EPB41L2: variants seen among roughly 807,000 people sequenced by gnomAD.
The protein encoded by EPB41L2 is erythrocyte membrane protein band 4.1 like 2.
EPB41L2 carries 43 observed loss-of-function variants against 113.0 expected under a neutral mutation model. The ratio of observed to expected loss-of-function variants is 0.38; its 90% CI spans 0.30 to 0.49. EPB41L2 has a LOEUF of 0.49. EPB41L2 is among the 20% of genes least tolerant of loss of function. The pLI, the probability that EPB41L2 is intolerant of heterozygous loss-of-function variation, is 0.95. For missense variants in EPB41L2, 1,147 were observed against 1,223.4 expected (o/e 0.94, Z 0.93); for synonymous variants, 442 against 436.7 (o/e 1.01, Z -0.15).
chr6:131,007,995 C>G (rs541027987), intron 1 of EPB41L2, among the ~76,000 whole-genome samples: 1 of 152,186 alleles, frequency 6.6e-6, no homozygotes, highest in Non-Finnish European at 1.5e-5. Flanking sequence ...AACCAATTTT[C>G]TGGGGAGAAA....
At chr6:131,004,951 C>T (rs940842974) in intron 1 of EPB41L2, among the ~76,000 whole-genome samples, 7 of 152,144 alleles carry the variant, frequency 4.6e-5, no homozygotes, top group African/African-American at 1.4e-4. Context: ...TAAAGCTTTG[C>T]AACTTTCTAT....
chr6:130,972,316 T>G (rs1330214311), intron 1 of EPB41L2, among the ~76,000 whole-genome samples: 1 of 82,700 alleles, frequency 1.2e-5, no homozygotes, highest in Admixed American at 2.0e-4. Flanking sequence ...AGAATGAGAC[T>G]CCATCTCAAA....
rs779872725 is a variant in EPB41L2, at chr6:130,869,682, G to A, written c.2488C>T (p.His830Tyr). The change falls in exon 15 of 20, where the codon CAC (histidine) becomes TAC (tyrosine). Residue 830 changes from histidine to tyrosine, a missense_variant. Coordinates refer to ENST00000337057, the MANE Select transcript of EPB41L2 (RefSeq NM_001431.4). Reference sequence around the variant, plus strand: ...ATGTCTTGCTTAAGAGCGCCTTCGTGTACACTCTTCTCTCCGGGTATCTTT... The same window carrying A: ...ATGTCTTGCTTAAGAGCGCCTTCGTATACACTCTTCTCTCCGGGTATCTTT... ...AQKIPGEKSV[H>Y]EGALKQDMGE... is the part of the protein sequence containing the mutation. The A allele has an allele frequency of 8.1e-6, 13 of 1,613,986 alleles. No homozygotes were observed. The East Asian group carries it at 1.6e-4, about 19-fold the overall frequency.
chr6:130,878,226 T>G lies in EPB41L2; in HGVS notation c.1921A>C (p.Ile641Leu). ...LEELDKAQED[I>L]LKHQASISEL... is the part of the protein sequence containing the mutation. ...CTAATGCTAGCCTGATGTTTCAGTA[T>G]GTCCTCCTGGGCCTTATCCAGTTCC... Residue 641 changes from isoleucine to leucine, a missense_variant, in exon 14 of 20, where the codon ATA becomes CTA. By Grantham distance (5) the Ile-to-Leu change is conservative. Coordinates refer to ENST00000337057, the MANE Select transcript of EPB41L2 (RefSeq NM_001431.4). 2 of 1,613,014 alleles carry G rather than the reference T, an allele frequency of 1.2e-6. No individual in the cohort carries two copies. Among genetic ancestry groups the G allele is most frequent in the East Asian group, 2.2e-5 (1 of 44,814 alleles).
chr6:130,955,095 C>A lies in EPB41L2; in HGVS notation c.705+10G>T. On this transcript the variant is annotated intron_variant, in intron 3 of 19. Coordinates refer to ENST00000337057, the MANE Select transcript of EPB41L2 (RefSeq NM_001431.4). ...TATCAAGCTAGCTCTCACTCAGCTC[C>A]CTATCTCACCTCCAGGTCACAGCTG... 6.2e-7 allele frequency: 1 copy of A among 1,612,852 alleles called. No homozygotes were observed. Among genetic ancestry groups the A allele is most frequent in the Non-Finnish European group, 8.5e-7 (1 of 1,178,898 alleles).
intron 1 of EPB41L2, among the ~76,000 whole-genome samples, chr6:131,022,032 G>T (rs549778601): frequency 3.3e-5 from 5 of 152,100 alleles, no homozygotes; most frequent in Non-Finnish European, 7.4e-5. Flanking sequence ...AATATATAAT[G>T]AAATAATTAC....
chr6:130,965,334 G>A (rs991140686), intron 1 of EPB41L2, among the ~76,000 whole-genome samples: 11 of 152,094 alleles, frequency 7.2e-5, no homozygotes, highest in East Asian at 1.9e-4. Context: ...AAGCAGCCAC[G>A]ATTTTCTTGT....
Position 130,890,286 on chromosome 6 carries a change from G to A in EPB41L2, c.1660+8C>T. ...AATGAAAATCAAAATTATCATAAAT[G>A]TGTTTACCTCCATCTAGACTCCTGG... On this transcript the variant is annotated splice_region_variant and intron_variant, in intron 11 of 19. Coordinates refer to ENST00000337057, the MANE Select transcript of EPB41L2 (RefSeq NM_001431.4). 4 of 1,596,480 alleles carry A rather than the reference G, an allele frequency of 2.5e-6. No individual in the cohort carries two copies. The highest frequency in any genetic ancestry group is 3.4e-6 in the Non-Finnish European group (4 of 1,172,590).
intron 1 of EPB41L2, among the ~76,000 whole-genome samples, chr6:131,001,962 C>T (rs1198543739): frequency 6.6e-6 from 1 of 152,132 alleles, no homozygotes; most frequent in East Asian, 1.9e-4. Flanking sequence ...CCAAGCAAAA[C>T]AAAAACTAAT....
At chr6:130,905,300 A>T (rs1260896338) in intron 5 of EPB41L2, among the ~76,000 whole-genome samples, 2 of 152,176 alleles carry the variant, frequency 1.3e-5, no homozygotes, top group Non-Finnish European at 2.9e-5. Flanking sequence ...ACTATGGGGG[A>T]AAGGGCAGGT....
In EPB41L2 at chr6:131,035,232, A is replaced by C. The variant is rs145488652; in HGVS notation, c.-15+27923T>G. 6.7e-3 allele frequency among the ~76,000 whole-genome samples: 1,020 copies of C among 152,352 alleles called. 20 individuals carry two copies. The highest frequency in any genetic ancestry group is 0.024 in the African/African-American group (985 of 41,586). On this transcript the variant is annotated intron_variant, in intron 1 of 19. Transcript: ENST00000337057. ...AAATGCCAAATACAACAGTGAGCAA[A>C]GCCAGCAATGACAATGGCAACTGAG... is the stretch of plus-strand genomic sequence containing the variant.
At chr6:131,042,976 T>C (rs1055545114) in intron 1 of EPB41L2, among the ~76,000 whole-genome samples, 1 of 152,152 alleles carries the variant, frequency 6.6e-6, no homozygotes, top group African/African-American at 2.4e-5. Flanking sequence ...GAATTTGGCT[T>C]AGGCTGATTT....
chr6:130,873,718 G>A (rs939971078), intron 14 of EPB41L2, among the ~76,000 whole-genome samples: 2 of 152,028 alleles, frequency 1.3e-5, no homozygotes, highest in Non-Finnish European at 2.9e-5. Context: ...TATCCTCCTC[G>A]GCCTCCCAAA....
intron 1 of EPB41L2, among the ~76,000 whole-genome samples, chr6:131,017,120 CTTAAT>C (rs1788421765): frequency 6.6e-6 from 1 of 152,170 alleles, no homozygotes; most frequent in African/African-American, 2.4e-5. Flanking sequence ...ACTACCATCA[CTTAAT>C]TTGAGTTACA....
intron 1 of EPB41L2, among the ~76,000 whole-genome samples, chr6:131,046,288 CAT>C (rs1795449552): frequency 6.6e-6 from 1 of 151,870 alleles, no homozygotes; most frequent in Non-Finnish European, 1.5e-5. Context: ...GAGCAACAGA[CAT>C]ATAAGTTAGG....
chr6:130,875,268 C>T (rs1582957394), intron 14 of EPB41L2, among the ~76,000 whole-genome samples: 1 of 152,122 alleles, frequency 6.6e-6, no homozygotes, highest in African/African-American at 2.4e-5. Flanking sequence ...ATTCACAGCC[C>T]CTATAATCTA....
intron 19 of EPB41L2, among the ~76,000 whole-genome samples, chr6:130,846,624 G>A (rs770669765): frequency 1.3e-5 from 2 of 152,160 alleles, no homozygotes; most frequent in Non-Finnish European, 2.9e-5. Context: ...GCTGGAACAT[G>A]TTCATGCTGT....
At chr6:130,993,956 C>T (rs966147386) in intron 1 of EPB41L2, among the ~76,000 whole-genome samples, 2 of 152,178 alleles carry the variant, frequency 1.3e-5, no homozygotes, top group Admixed American at 1.3e-4. Flanking sequence ...ATGACCTAAC[C>T]TAACAATAGC....
In EPB41L2 at chr6:130,880,466, C is replaced by A. The variant is rs537878437; in HGVS notation, c.1834-260G>T. 153 of 655,366 alleles carry A rather than the reference C, an allele frequency of 2.3e-4. 1 individual carries two copies. Among genetic ancestry groups the A allele is most frequent in the Admixed American group, 2.5e-4 (10 of 39,288 alleles). The allele number at this position is 655,366 out of a possible 1,614,324, so 40.6% of individuals were successfully genotyped here. On this transcript the variant is annotated intron_variant, in intron 12 of 19. Transcript: ENST00000337057. ...AAAACTCAGCCACCTCTTCCAGCTG[C>A]GTTTCCTCTTCTTCCATCTTCGCCT...
Sources: gnomAD v4.1 joint callset for allele counts (sites outside exome capture counted in the v4.1 genomes callset) on GRCh38, gnomAD v4.1.1 for gene constraint, MANE v1.5 for transcripts, NCBI Gene and HGNC (gene_info 2026-07-23, HGNC 2026-07-21) for gene names.